The following SRGAP1 variants were observed in gnomAD, a reference collection of about 807,000 sequenced individuals.
The protein encoded by SRGAP1 is SLIT-ROBO Rho GTPase-activating protein 1.
Under a neutral mutation model 121.9 loss-of-function variants are expected in SRGAP1, and 43 were observed. The ratio of observed to expected loss-of-function variants is 0.35; its 90% CI spans 0.28 to 0.46. SRGAP1 has a LOEUF of 0.46. Ranked by LOEUF, SRGAP1 falls within the 20% of genes least tolerant of loss-of-function variation. The pLI is 1.00. For synonymous variants in SRGAP1, 447 were observed against 485.4 expected, an observed-to-expected ratio of 0.92 and a Z score of 1.04; for missense variants, 1,102 against 1,350.9, an observed-to-expected ratio of 0.82 and a Z score of 2.89.
At chr12:63,987,333 A>G (rs1289222848) in intron 2 of SRGAP1, among the ~76,000 whole-genome samples, 1 of 152,188 alleles carries the variant, frequency 6.6e-6, no homozygotes, top group Non-Finnish European at 1.5e-5. Context: ...GGCTTGGTTT[A>G]GCTTCCCTGG....
intron 4 of SRGAP1, among the ~76,000 whole-genome samples, chr12:64,025,619 T>C (rs188373529): frequency 2.0e-3 from 303 of 152,230 alleles, no homozygotes; most frequent in Middle Eastern, 0.017. Context: ...ACTGAAAATA[T>C]CTTTGGAATA....
chr12:63,978,366 T>C (rs1404316953), intron 1 of SRGAP1, among the ~76,000 whole-genome samples: 1 of 152,212 alleles, frequency 6.6e-6, no homozygotes, highest in African/African-American at 2.4e-5. Flanking sequence ...AGCAGCCATT[T>C]TTCCCCAACC....
intron 1 of SRGAP1, among the ~76,000 whole-genome samples, chr12:63,901,493 A>C (rs2029925240): frequency 6.6e-6 from 1 of 152,114 alleles, no homozygotes; most frequent in African/African-American, 2.4e-5. Context: ...AGCTGAGCAA[A>C]ATGTTACTTT....
Position 64,146,220 on chromosome 12 carries a change from A to C in SRGAP1, c.*3548A>C, listed in dbSNP as rs1356605164. Reference sequence around the variant, plus strand: ...AGCTTTGCACATCTTCGTACAACATAATCTGGCTTTGGTGCCCCTTGAGCC... The same window carrying C: ...AGCTTTGCACATCTTCGTACAACATCATCTGGCTTTGGTGCCCCTTGAGCC... On this transcript the variant is annotated 3_prime_UTR_variant, in exon 22 of 22. Coordinates refer to ENST00000355086, the MANE Select transcript of SRGAP1 (RefSeq NM_020762.4). 3 of 152,166 alleles carry C rather than the reference A, an allele frequency of 2.0e-5. No individual in the cohort carries two copies. The highest frequency in any genetic ancestry group is 2.0e-4 in the Admixed American group (3 of 15,280). 9.4% of individuals were successfully genotyped at this position (152,166 alleles called of 1,614,324 possible). A position where few individuals can be genotyped will look rare whatever the true frequency, so the allele number is the denominator to read the frequency against.
At chr12:63,928,294 A>G (rs181177084) in intron 1 of SRGAP1, among the ~76,000 whole-genome samples, 11 of 152,302 alleles carry the variant, frequency 7.2e-5, no homozygotes, top group African/African-American at 2.6e-4. Context: ...ATATATACCT[A>G]CCCTATGATC....
At chr12:64,007,787 A>G (rs1240378493) in intron 3 of SRGAP1, among the ~76,000 whole-genome samples, 1 of 152,162 alleles carries the variant, frequency 6.6e-6, no homozygotes, top group Non-Finnish European at 1.5e-5. Context: ...GCTATCTCAC[A>G]TCTAGAATTC....
intron 1 of SRGAP1, among the ~76,000 whole-genome samples, chr12:63,910,524 C>A (rs142083265): frequency 5.9e-5 from 9 of 152,230 alleles, no homozygotes; most frequent in African/African-American, 2.2e-4. Flanking sequence ...CTCTTCTGAC[C>A]CATTTTGATC....
At chr12:63,959,789 A>G (rs1410687461) in intron 1 of SRGAP1, among the ~76,000 whole-genome samples, 10 of 152,204 alleles carry the variant, frequency 6.6e-5, no homozygotes, top group Admixed American at 3.3e-4. Context: ...TCCTTTAAAG[A>G]TGAAGAAACT....
At chr12:64,056,130 C>T (rs1452853500) in intron 6 of SRGAP1, among the ~76,000 whole-genome samples, 1 of 152,190 alleles carries the variant, frequency 6.6e-6, no homozygotes, top group Non-Finnish European at 1.5e-5. Context: ...AACCAGTTCT[C>T]TTGTTCCACA....
chr12:63,956,653 C>T (rs2032480587), intron 1 of SRGAP1, among the ~76,000 whole-genome samples: 1 of 149,686 alleles, frequency 6.7e-6, no homozygotes, highest in African/African-American at 2.5e-5. Context: ...ATCATCTGGT[C>T]TCAGGTTTTG....
At chr12:64,106,143 G>A (rs1375368590) in intron 15 of SRGAP1, among the ~76,000 whole-genome samples, 1 of 152,026 alleles carries the variant, frequency 6.6e-6, no homozygotes, top group African/African-American at 2.4e-5. Context: ...CCTTAGCCTC[G>A]ACCTTAACTT....
chr12:64,093,255 TTA>T (rs977548048), intron 12 of SRGAP1, among the ~76,000 whole-genome samples: 21 of 152,156 alleles, frequency 1.4e-4, no homozygotes, highest in East Asian at 1.2e-3. Context: ...TAAAATTAAA[TTA>T]AATTAAATCA....
At chr12:63,977,771 A>G (rs888027058) in intron 1 of SRGAP1, among the ~76,000 whole-genome samples, 9 of 152,250 alleles carry the variant, frequency 5.9e-5, no homozygotes, top group Admixed American at 5.2e-4. Flanking sequence ...TTCCGTAGTG[A>G]TGCTCTGGTA....
chr12:64,064,174 A>G (rs1208252678), intron 7 of SRGAP1, among the ~76,000 whole-genome samples: 1 of 152,112 alleles, frequency 6.6e-6, no homozygotes, highest in East Asian at 1.9e-4. Context: ...TTGTATTTTA[A>G]TGGTTTAATT....
At chr12:64,080,442 T>A in intron 10 of SRGAP1, 72 bp downstream of exon 10, 1 of 1,228,562 alleles carries the variant, frequency 8.1e-7, no homozygotes, top group African/African-American at 1.5e-5. Flanking sequence ...CCAGAAAGAG[T>A]ATGAATTGTA....
At chr12:64,063,924 TA>T (rs1180405504) in intron 7 of SRGAP1, among the ~76,000 whole-genome samples, 7 of 151,584 alleles carry the variant, frequency 4.6e-5, no homozygotes, top group African/African-American at 1.7e-4. Context: ...ATGTAAAATA[TA>T]TACATGTTTT....
intron 6 of SRGAP1, among the ~76,000 whole-genome samples, chr12:64,059,167 C>G (rs1940894728): frequency 6.6e-6 from 1 of 152,132 alleles, no homozygotes; most frequent in Non-Finnish European, 1.5e-5. Flanking sequence ...TTGTTGGGCC[C>G]AGACCTGCAG....
chr12:63,937,900 C>T (rs377749858), intron 1 of SRGAP1, among the ~76,000 whole-genome samples: 16 of 152,350 alleles, frequency 1.1e-4, no homozygotes, highest in African/African-American at 3.6e-4. Flanking sequence ...GGAAACAGCA[C>T]ACTGTGTCCA....
chr12:64,071,686 C>T, intron 8 of SRGAP1, among the ~76,000 whole-genome samples: 1 of 152,162 alleles, frequency 6.6e-6, no homozygotes, highest in East Asian at 1.9e-4. Flanking sequence ...AAGGCAGAGA[C>T]TTTGTTCTGA....
Sources: allele counts gnomAD v4.1 joint callset (sites outside exome capture counted in the v4.1 genomes callset), GRCh38; gene constraint gnomAD v4.1.1; transcripts MANE v1.5; gene names NCBI Gene and HGNC (gene_info 2026-07-23, HGNC 2026-07-21).